Variants in RBL1 observed in about 807,000 individuals in gnomAD.
The protein encoded by RBL1 is RB transcriptional corepressor like 1.
A neutral mutation model predicts 123.0 loss-of-function variants in RBL1; 82 were observed. That is an observed-to-expected ratio of 0.67 (90% CI 0.56 to 0.80). The LOEUF is 0.80. RBL1 is among the 30% of genes least tolerant of loss of function. The pLI is 0.00. For synonymous variants in RBL1, 405 were observed against 441.3 expected, an observed-to-expected ratio of 0.92 and a Z score of 1.03; for missense variants, 1,171 against 1,299.6, an observed-to-expected ratio of 0.90 and a Z score of 1.52.
chr20:37,035,488 T>C lies in RBL1; in HGVS notation c.1924A>G (p.Ile642Val). ...GAACTGTAGCGTTCATGGACAGAAA[T>C]TGGAGACAATGGTTGCATATCTAAA... ...LRRDMQPLSPISVHERYSSPT... is the reference protein window; with the variant it reads ...LRRDMQPLSPVSVHERYSSPT... The change falls in exon 15 of 22, where the codon ATT becomes GTT. Residue 642 changes from isoleucine to valine, a missense_variant. Transcript: ENST00000373664. The C allele has an allele frequency of 6.3e-7, 1 of 1,587,158 alleles. No homozygotes were observed. The highest frequency in any genetic ancestry group is 8.6e-7 in the Non-Finnish European group (1 of 1,167,936).
chr20:37,040,655 A>G (rs546757284), intron 13 of RBL1, among the ~76,000 whole-genome samples: 41 of 152,314 alleles, frequency 2.7e-4, no homozygotes, highest in African/African-American at 9.1e-4. Flanking sequence ...GCCTGGCCGA[A>G]AAAGTGTTTT....
chr20:37,060,825 CTTGGCCAAGCTGGAATTAGTCTCACTATG>C, intron 9 of RBL1, among the ~76,000 whole-genome samples: 1 of 152,120 alleles, frequency 6.6e-6, no homozygotes, highest in Middle Eastern at 3.4e-3. Flanking sequence ...GTCTCCCTAT[CTTGGCCAAGCTGGAATTAGTCTCACTATG>C]TTGGCCAAAC....
In RBL1 at chr20:37,089,138, C is replaced by G. The variant is rs779821288; in HGVS notation, c.157-16G>C. 6.3e-7 allele frequency: 1 copy of G among 1,584,000 alleles called. No homozygotes were observed. The highest frequency in any genetic ancestry group is 1.2e-5 in the South Asian group (1 of 86,488). The stretch of plus-strand genomic sequence containing the variant: ...TAACTTCTCCCTGGCAAGCAAAAGA[C>G]AAACAGCAAAACAGGTATAATATTA... On this transcript the variant is annotated splice_polypyrimidine_tract_variant and intron_variant, in intron 1 of 21. Coordinates refer to ENST00000373664, the MANE Select transcript of RBL1 (RefSeq NM_002895.5).
chr20:37,074,115 TAAAC>T (rs372306015), intron 2 of RBL1, among the ~76,000 whole-genome samples: 18 of 146,242 alleles, frequency 1.2e-4, no homozygotes, highest in African/African-American at 3.5e-4. Flanking sequence ...TGTCTCAAAA[TAAAC>T]AAACAAATTT....
chr20:37,047,447 T>C (rs1368470142), intron 11 of RBL1, among the ~76,000 whole-genome samples: 1 of 152,190 alleles, frequency 6.6e-6, no homozygotes, highest in Non-Finnish European at 1.5e-5. Flanking sequence ...AAGTCAGTAT[T>C]CCCATCAACA....
intron 11 of RBL1, among the ~76,000 whole-genome samples, chr20:37,052,038 GT>G (rs907980073): frequency 3.4e-4 from 50 of 144,988 alleles, no homozygotes; most frequent in East Asian, 4.0e-4. Flanking sequence ...TTATTTTTAA[GT>G]TTTTTTTTTT....
At chr20:37,015,063 C>CAAAAAAAAA (rs1185151735) in intron 19 of RBL1, among the ~76,000 whole-genome samples, 8 of 70,254 alleles carry the variant, frequency 1.1e-4, no homozygotes, top group East Asian at 5.8e-4. Context: ...GACTGTATCT[C>CAAAAAAAAA]AAAAAAAAAA....
rs1193349300 is a variant in RBL1 at position 37,054,504 on chromosome 20, TA to T, written c.1467+1048del. Among the ~76,000 whole-genome samples the T allele has an allele frequency of 3.3e-5, 5 of 150,730 alleles. No homozygotes were observed. The East Asian group carries it at 9.8e-4, about 29-fold the overall frequency. ...ATCTAAAAAAATAAATAAATAAAATTAAAAAAATTAAAATAAATAAAAGTTA... is the reference window on the plus strand; with the variant it reads ...ATCTAAAAAAATAAATAAATAAAATTAAAAAATTAAAATAAATAAAAGTTA... On this transcript the variant is annotated intron_variant, in intron 11 of 21. Coordinates refer to ENST00000373664, the MANE Select transcript of RBL1 (RefSeq NM_002895.5).
chr20:37,036,233 C>A (rs1379623188), intron 14 of RBL1, among the ~76,000 whole-genome samples: 1 of 152,168 alleles, frequency 6.6e-6, no homozygotes, highest in Non-Finnish European at 1.5e-5. Context: ...CTTCCCTCAA[C>A]CAATTATTCC....
At chr20:37,015,069 A>C (rs1043120435) in intron 19 of RBL1, among the ~76,000 whole-genome samples, 47 of 151,260 alleles carry the variant, frequency 3.1e-4, no homozygotes, top group Non-Finnish European at 6.3e-4. Flanking sequence ...ATCTCAAAAA[A>C]AAAAAAAAAA....
In RBL1 at chr20:37,042,907, C is replaced by CCA. The variant is rs1426087593; in HGVS notation, c.1770+1178_1770+1179insTG. Among the ~76,000 whole-genome samples the CCA allele has an allele frequency of 1.1e-3, 59 of 53,312 alleles. 1 individual carries two copies. The highest frequency in any genetic ancestry group is 3.9e-3 in the Admixed American group (18 of 4,652). 35.0% of individuals were successfully genotyped at this position (53,312 alleles called of 152,430 possible). The stretch of plus-strand genomic sequence containing the variant: ...GAGTGAGATCTTGTCCCCCCCCCTC[C>CCA]AAAAAAAAAAAAAAAAAAGTCAAAA... On this transcript the variant is annotated intron_variant, in intron 13 of 21. Transcript: ENST00000373664.
rs1023056377 is a variant in RBL1 at position 37,020,881 on chromosome 20, G to C, written c.2560-151C>G. The C allele has an allele frequency of 8.8e-6, 5 of 565,018 alleles. No individual in the cohort carries two copies. The African/African-American group carries it at 9.7e-5, about 11-fold the overall frequency. 35.0% of individuals were successfully genotyped at this position (565,018 alleles called of 1,614,324 possible). ...ATGACTAAAAACCACTAACATTTAT[G>C]ATTTTTTCTACCTTTAAAGTTCAGG... On this transcript the variant is annotated intron_variant, in intron 17 of 21. Coordinates refer to ENST00000373664, the MANE Select transcript of RBL1 (RefSeq NM_002895.5).
chr20:37,038,140 C>T (rs758226691), intron 14 of RBL1, among the ~76,000 whole-genome samples: 14 of 151,460 alleles, frequency 9.2e-5, no homozygotes, highest in Non-Finnish European at 2.1e-4. Flanking sequence ...TACAGGTGTA[C>T]ACCACCATGC....
At chr20:37,001,102 C>A (rs2063970546) in intron 21 of RBL1, among the ~76,000 whole-genome samples, 1 of 149,018 alleles carries the variant, frequency 6.7e-6, no homozygotes, top group African/African-American at 2.5e-5. Context: ...CCTGGCCAGT[C>A]GCCCTGTCCC....
chr20:37,066,254 A>G (rs2065174525), intron 6 of RBL1, among the ~76,000 whole-genome samples: 1 of 152,226 alleles, frequency 6.6e-6, no homozygotes, highest in Non-Finnish European at 1.5e-5. Context: ...AATGTCCAGA[A>G]TGCACACAGA....
intron 17 of RBL1, among the ~76,000 whole-genome samples, chr20:37,021,579 G>A (rs1465679175): frequency 6.6e-6 from 1 of 151,902 alleles, no homozygotes; most frequent in Non-Finnish European, 1.5e-5. Context: ...CGAGTAGCTA[G>A]GACTACAGGC....
intron 10 of RBL1, 149 bp downstream of exon 10, chr20:37,055,997 A>G (rs1248553657): frequency 5.3e-6 from 7 of 1,317,962 alleles, no homozygotes; most frequent in Non-Finnish European, 7.0e-6. Context: ...CAGTGAGTCG[A>G]GATCATGCCA....
chr20:37,070,312 T>A (rs1369517134), intron 2 of RBL1, among the ~76,000 whole-genome samples: 1 of 152,012 alleles, frequency 6.6e-6, no homozygotes, highest in African/African-American at 2.4e-5. Flanking sequence ...AATCGCAAGT[T>A]CCCAGGGACA....
At chr20:37,029,441 ATGT>A (rs2064472189) in intron 16 of RBL1, among the ~76,000 whole-genome samples, 1 of 152,210 alleles carries the variant, frequency 6.6e-6, no homozygotes. Flanking sequence ...GTGCAAAAAC[ATGT>A]TGTTCAAGGG....
Sources: allele counts gnomAD v4.1 joint callset (sites outside exome capture counted in the v4.1 genomes callset), GRCh38; gene constraint gnomAD v4.1.1; transcripts MANE v1.5; gene names NCBI Gene and HGNC (gene_info 2026-07-23, HGNC 2026-07-21).